NELL2: variants seen among roughly 807,000 people sequenced by gnomAD.
NELL2 encodes protein kinase C-binding protein NELL2.
NELL2 carries 41 observed loss-of-function variants against 109.6 expected under a neutral mutation model. That is an observed-to-expected ratio of 0.37 (90% confidence interval 0.29 to 0.49). The LOEUF (loss-of-function observed/expected upper bound fraction) is 0.49, where lower values mean the gene tolerates loss of function less well. Among genes scored for constraint, NELL2 ranks in the 20% least tolerant of loss-of-function variants. The pLI, the probability that NELL2 is intolerant of heterozygous loss-of-function variation, is 0.98. For missense variants in NELL2, 900 were observed against 1,008.3 expected (o/e 0.89, Z 1.45); for synonymous variants, 355 against 344.7 (o/e 1.03, Z -0.33).
chr12:44,580,891 T>A (rs2136210410), intron 15 of NELL2, among the ~76,000 whole-genome samples: 1 of 152,330 alleles, frequency 6.6e-6, no homozygotes, highest in South Asian at 2.1e-4. Context: ...TGGAAGGATA[T>A]AGAGCTTCAG....
At chr12:44,686,177 G>A (rs967193742) in intron 12 of NELL2, among the ~76,000 whole-genome samples, 6 of 151,774 alleles carry the variant, frequency 4.0e-5, no homozygotes, top group South Asian at 2.1e-4. Context: ...ATCTTCCATC[G>A]CTGATACCCT....
At chr12:44,767,851 T>C (rs1941397709) in intron 9 of NELL2, among the ~76,000 whole-genome samples, 1 of 151,894 alleles carries the variant, frequency 6.6e-6, no homozygotes, top group South Asian at 2.1e-4. Flanking sequence ...AAACCAGAAG[T>C]TTGGAGGAGA....
chr12:44,627,997 T>C (rs548581721), intron 13 of NELL2, among the ~76,000 whole-genome samples: 1 of 152,308 alleles, frequency 6.6e-6, no homozygotes, highest in Admixed American at 6.5e-5. Flanking sequence ...TGTTCTAACA[T>C]AGTTTGGCAC....
rs1179078041 is a variant in NELL2, at chr12:44,779,676, T to G, written c.593A>C (p.His198Pro). Residue 198 changes from histidine to proline, a missense_variant, in exon 5 of 20, where the codon CAT (histidine) becomes CCT (proline). His to Pro is a moderately conservative substitution (Grantham distance 77). Around this residue, in one of 4 missense-constraint regions of NELL2, gnomAD observed 75 missense variants for 118.9 expected, o/e 0.63. Coordinates refer to ENST00000429094, the MANE Select transcript of NELL2 (RefSeq NM_001145108.2). Reference protein sequence around the residue: ...TFWLGQRNNAHGYFKGIMQDV... With the variant: ...TFWLGQRNNAPGYFKGIMQDV... ...GCCAAAAGATACCTTAAAATATCCATGCGCATTATTTCTCTGTCCTAGCCA... is the reference window on the plus strand; with the variant it reads ...GCCAAAAGATACCTTAAAATATCCAGGCGCATTATTTCTCTGTCCTAGCCA... 6.2e-7 allele frequency: 1 copy of G among 1,613,162 alleles called. No homozygotes were observed. The highest frequency in any genetic ancestry group is 8.5e-7 in the Non-Finnish European group (1 of 1,179,304).
At chr12:44,891,536 T>C (rs1945534148) in intron 1 of NELL2, among the ~76,000 whole-genome samples, 1 of 152,248 alleles carries the variant, frequency 6.6e-6, no homozygotes, top group African/African-American at 2.4e-5. Context: ...GTCATTGTTG[T>C]ATTATTGAAT....
chr12:44,536,718 C>T (rs1380747965), intron 15 of NELL2, among the ~76,000 whole-genome samples: 3 of 151,818 alleles, frequency 2.0e-5, no homozygotes, highest in Non-Finnish European at 4.4e-5. Flanking sequence ...AATTTTATTA[C>T]ATATTCTGTC....
intron 3 of NELL2, among the ~76,000 whole-genome samples, chr12:44,800,012 C>G (rs775272011): frequency 6.6e-6 from 1 of 152,026 alleles, no homozygotes; most frequent in Non-Finnish European, 1.5e-5. Flanking sequence ...TATTTAATCA[C>G]CAAATCCTCA....
At chr12:44,815,362 C>G (rs1566456855) in intron 3 of NELL2, among the ~76,000 whole-genome samples, 1 of 152,188 alleles carries the variant, frequency 6.6e-6, no homozygotes, top group Non-Finnish European at 1.5e-5. Flanking sequence ...CTATTAAACT[C>G]TAAACCCAGA....
At chr12:44,739,905 C>A (rs1023787742) in intron 9 of NELL2, among the ~76,000 whole-genome samples, 5 of 151,618 alleles carry the variant, frequency 3.3e-5, no homozygotes, top group East Asian at 1.9e-4. Flanking sequence ...ACAACAACAA[C>A]AAAAAAAACA....
At chr12:44,688,514 A>G (rs995154518) in intron 12 of NELL2, among the ~76,000 whole-genome samples, 6 of 152,218 alleles carry the variant, frequency 3.9e-5, no homozygotes, top group Non-Finnish European at 7.3e-5. Context: ...CCTCATAAGA[A>G]AAATGTCCCC....
intron 1 of NELL2, among the ~76,000 whole-genome samples, chr12:44,909,172 T>A (rs749255353): frequency 6.6e-5 from 10 of 151,992 alleles, no homozygotes; most frequent in Non-Finnish European, 1.3e-4. Flanking sequence ...ATTCTATACC[T>A]AGAAAACTCC....
intron 15 of NELL2, among the ~76,000 whole-genome samples, chr12:44,536,672 A>G (rs1427751974): frequency 6.6e-6 from 1 of 152,050 alleles, no homozygotes; most frequent in Non-Finnish European, 1.5e-5. Flanking sequence ...TAGGTACATT[A>G]TATAAAAAAC....
At position 44,791,086 on chromosome 12, in the gene NELL2, T is replaced by TAC. The variant is rs1352563531; in HGVS notation, c.336-11065_336-11064insGT. Among the ~76,000 whole-genome samples the TAC allele has an allele frequency of 8.1e-3, 437 of 53,814 alleles. 28 individuals are homozygous for TAC. Among genetic ancestry groups the TAC allele is most frequent in the Admixed American group, 0.02 (80 of 4,040 alleles). The allele number at this position is 53,814 out of a possible 152,430, so 35.3% of individuals were successfully genotyped here. On this transcript the variant is annotated intron_variant, in intron 3 of 19. Transcript: ENST00000429094. Reference sequence around the variant, plus strand: ...TCAAGTATATATATATATATACATATATATATATATGTATATATATATGTA... The same window carrying TAC: ...TCAAGTATATATATATATATACATATACATATATATATGTATATATATATGTA...
At chr12:44,809,470 T>C (rs1727836144) in intron 3 of NELL2, among the ~76,000 whole-genome samples, 1 of 152,074 alleles carries the variant, frequency 6.6e-6, no homozygotes. Flanking sequence ...AACTGCCATA[T>C]ATTACTGTCT....
At position 44,876,083 on chromosome 12, in the gene NELL2, A is replaced by G. The variant is rs1688630127; in HGVS notation, c.-214T>C. 1 of 1,377,550 alleles carries G rather than the reference A, an allele frequency of 7.3e-7. No individual in the cohort carries two copies. Among genetic ancestry groups the G allele is most frequent in the Non-Finnish European group, 9.4e-7 (1 of 1,067,332 alleles). The allele number at this position is 1,377,550 out of a possible 1,614,324, so 85.3% of individuals were successfully genotyped here. On this transcript the variant is annotated 5_prime_UTR_variant, in exon 1 of 20. It removes an upstream start codon present in the reference 5' UTR. Transcript: ENST00000429094. ...ACTTAGACCCTCCAATGCGCACATCATTCCCACACGCAGGGCCGAGGCGGC... is the reference window on the plus strand; with the variant it reads ...ACTTAGACCCTCCAATGCGCACATCGTTCCCACACGCAGGGCCGAGGCGGC...
chr12:44,901,089 C>T (rs535868974), intron 1 of NELL2, among the ~76,000 whole-genome samples: 10 of 152,024 alleles, frequency 6.6e-5, no homozygotes, highest in African/African-American at 2.4e-4. Flanking sequence ...AAAAAGACTT[C>T]AAAAAATCAA....
At chr12:44,741,669 C>T (rs148679771) in intron 9 of NELL2, among the ~76,000 whole-genome samples, 350 of 152,358 alleles carry the variant, frequency 2.3e-3, no homozygotes, top group African/African-American at 7.9e-3. Context: ...CCGCATCTGG[C>T]TCGGAGGGTC....
At chr12:44,893,694 G>A (rs1263677932) in intron 1 of NELL2, among the ~76,000 whole-genome samples, 1 of 152,106 alleles carries the variant, frequency 6.6e-6, no homozygotes, top group Non-Finnish European at 1.5e-5. Flanking sequence ...CAGTACCGAA[G>A]CAAGCATGAC....
intron 9 of NELL2, among the ~76,000 whole-genome samples, chr12:44,767,929 T>C (rs1404313454): frequency 1.3e-5 from 2 of 152,172 alleles, no homozygotes; most frequent in South Asian, 4.1e-4. Context: ...ATTATATGCA[T>C]GCATTATTTT....
Sources: allele counts gnomAD v4.1 joint callset (sites outside exome capture counted in the v4.1 genomes callset), GRCh38; gene constraint gnomAD v4.1.1; regional missense constraint gnomAD v4.1.1; transcripts MANE v1.5; gene names NCBI Gene and HGNC (gene_info 2026-07-23, HGNC 2026-07-21).